The following ASTN2 variants were observed in gnomAD, a reference collection of about 807,000 sequenced individuals.
ASTN2 encodes the protein astrotactin-2.
In ASTN2, 54 loss-of-function variants were observed where a neutral mutation model predicts 139.8. That is an observed-to-expected ratio of 0.39 (90% confidence interval 0.31 to 0.48). The LOEUF (loss-of-function observed/expected upper bound fraction) is 0.48, where lower values mean the gene tolerates loss of function less well. Among genes scored for constraint, ASTN2 ranks in the 20% least tolerant of loss-of-function variants. ASTN2 has a pLI of 0.95. For synonymous variants in ASTN2, 756 were observed against 719.5 expected (o/e 1.05, Z -0.81); for missense variants, 1,565 against 1,725.1 (o/e 0.91, Z 1.64).
chr9:117,039,201 T>A (rs1306766346), intron 6 of ASTN2, among the ~76,000 whole-genome samples: 1 of 152,176 alleles, frequency 6.6e-6, no homozygotes, highest in Non-Finnish European at 1.5e-5. Flanking sequence ...TAGTCTTTAC[T>A]GGATAAAGAA....
chr9:117,062,936 G>C (rs1029865581), intron 5 of ASTN2, among the ~76,000 whole-genome samples: 1 of 152,110 alleles, frequency 6.6e-6, no homozygotes, highest in Admixed American at 6.6e-5. Context: ...GCTAGCCTTG[G>C]CTCCAGACTA....
At chr9:116,612,985 TAA>T (rs1855630285) in intron 19 of ASTN2, 2 of 150,412 alleles carry the variant, frequency 1.3e-5, no homozygotes, top group African/African-American at 4.9e-5. Flanking sequence ...GCAAGACTCA[TAA>T]AGAATAAAAG....
At chr9:117,035,516 C>G (rs1451740086) in intron 6 of ASTN2, among the ~76,000 whole-genome samples, 1 of 152,086 alleles carries the variant, frequency 6.6e-6, no homozygotes, top group Non-Finnish European at 1.5e-5. Context: ...GCTGGAAACT[C>G]CAGTAGTACA....
At chr9:116,596,439 A>G (rs1309263177) in intron 19 of ASTN2, among the ~76,000 whole-genome samples, 6 of 152,174 alleles carry the variant, frequency 3.9e-5, no homozygotes, top group African/African-American at 1.4e-4. Flanking sequence ...AAGTGTTCTT[A>G]CCAAACACAC....
Position 116,573,635 on chromosome 9 carries a change from T to C in ASTN2, c.3355+44689A>G, listed in dbSNP as rs911941371. 3.9e-5 allele frequency among the ~76,000 whole-genome samples: 6 copies of C among 152,176 alleles called. No homozygotes were observed. The South Asian group carries it at 1.2e-3, about 31-fold the overall frequency. ...CTACAAGAATCATGTTTTTTGTTTGTTTGCTTTTGCTTTTGTGTGTTTGTT... is the reference window on the plus strand; with the variant it reads ...CTACAAGAATCATGTTTTTTGTTTGCTTGCTTTTGCTTTTGTGTGTTTGTT... On this transcript the variant is annotated intron_variant, in intron 19 of 22. Transcript: ENST00000313400.
chr9:117,300,890 C>A (rs1834859681), intron 1 of ASTN2, among the ~76,000 whole-genome samples: 1 of 152,190 alleles, frequency 6.6e-6, no homozygotes, highest in Non-Finnish European at 1.5e-5. Flanking sequence ...TCCTCCCCAA[C>A]CCCAGCTGTC....
intron 1 of ASTN2, among the ~76,000 whole-genome samples, chr9:117,305,409 A>G (rs1324989206): frequency 6.6e-6 from 1 of 152,188 alleles, no homozygotes; most frequent in African/African-American, 2.4e-5. Context: ...GCTCAACAGG[A>G]AAGGCTGAAA....
intron 3 of ASTN2, among the ~76,000 whole-genome samples, chr9:117,167,876 C>T (rs911834794): frequency 2.0e-5 from 3 of 152,062 alleles, no homozygotes; most frequent in African/African-American, 2.4e-5. Context: ...TCCAAGGTAA[C>T]ATATGGCTTG....
chr9:116,619,688 ATTTT>A (rs766517097), intron 18 of ASTN2, among the ~76,000 whole-genome samples: 1 of 74,314 alleles, frequency 1.3e-5, no homozygotes, highest in Admixed American at 1.7e-4. Context: ...CACACGGGCT[ATTTT>A]TTTTTTTTTT....
chr9:117,335,398 C>T (rs565704104), intron 1 of ASTN2, among the ~76,000 whole-genome samples: 1 of 152,272 alleles, frequency 6.6e-6, no homozygotes, highest in African/African-American at 2.4e-5. Flanking sequence ...TAACACAATA[C>T]AAACATCTCC....
intron 17 of ASTN2, among the ~76,000 whole-genome samples, chr9:116,623,807 A>G (rs1856298484): frequency 6.6e-6 from 1 of 152,098 alleles, no homozygotes; most frequent in Admixed American, 6.5e-5. Context: ...GAATCCTTGT[A>G]CCCTTGACCT....
intron 10 of ASTN2, among the ~76,000 whole-genome samples, chr9:116,864,673 C>T (rs1441322906): frequency 1.3e-5 from 2 of 152,300 alleles, no homozygotes; most frequent in Non-Finnish European, 2.9e-5. Context: ...ATATCCTTCC[C>T]TGGTCTGTGC....
chr9:117,220,632 T>A (rs181906795), intron 2 of ASTN2, among the ~76,000 whole-genome samples: 3 of 152,240 alleles, frequency 2.0e-5, no homozygotes. Flanking sequence ...GGAATGCCGA[T>A]GGTCATCAGC....
chr9:117,111,819 A>G (rs1409560259), intron 4 of ASTN2, among the ~76,000 whole-genome samples: 3 of 152,086 alleles, frequency 2.0e-5, no homozygotes, highest in Non-Finnish European at 4.4e-5. Flanking sequence ...AAGCAAGAAA[A>G]AGAAAAAGCT....
At chr9:116,941,947 A>G (rs1185872586) in intron 10 of ASTN2, among the ~76,000 whole-genome samples, 1 of 150,926 alleles carries the variant, frequency 6.6e-6, no homozygotes, top group African/African-American at 2.4e-5. Context: ...TTGAATTCTA[A>G]TCCTGGCTTT....
At chr9:116,792,477 C>T (rs2132225136) in intron 13 of ASTN2, among the ~76,000 whole-genome samples, 1 of 152,280 alleles carries the variant, frequency 6.6e-6, no homozygotes, top group South Asian at 2.1e-4. Flanking sequence ...CTAATCCAGG[C>T]ACCCAACCGT....
intron 20 of ASTN2, among the ~76,000 whole-genome samples, chr9:116,480,166 AAGGAAGGG>A (rs1379757305): frequency 6.6e-6 from 1 of 151,716 alleles, no homozygotes; most frequent in African/African-American, 2.4e-5. Flanking sequence ...GAAAGGAAGG[AAGGAAGGG>A]AGGAAGGGAA....
chr9:117,106,979 C>T (rs891676102), intron 4 of ASTN2, among the ~76,000 whole-genome samples: 3 of 152,142 alleles, frequency 2.0e-5, no homozygotes, highest in African/African-American at 7.2e-5. Context: ...TCTATACCTA[C>T]ATATACCCAA....
chr9:117,027,447 C>A (rs1473601065), intron 6 of ASTN2, among the ~76,000 whole-genome samples: 2 of 152,164 alleles, frequency 1.3e-5, no homozygotes, highest in African/African-American at 4.8e-5. Context: ...TAGATCCATT[C>A]ATGCCCCCAT....
Sources: allele counts gnomAD v4.1 joint callset (sites outside exome capture counted in the v4.1 genomes callset), GRCh38; gene constraint gnomAD v4.1.1; transcripts MANE v1.5; gene names NCBI Gene and HGNC (gene_info 2026-07-23, HGNC 2026-07-21).